ADAMTS3: variants seen among roughly 807,000 people sequenced by gnomAD.
The protein encoded by ADAMTS3 is A disintegrin and metalloproteinase with thrombospondin motifs 3.
A neutral mutation model predicts 129.0 loss-of-function variants in ADAMTS3; 73 were observed. That is an observed-to-expected ratio of 0.57 (90% CI 0.47 to 0.69). ADAMTS3 has a LOEUF of 0.69. Among genes scored for constraint, ADAMTS3 ranks in the 30% least tolerant of loss-of-function variants. The probability of loss-of-function intolerance (pLI) is 0.00; values close to 1 mark genes in which losing one functional copy is unlikely to be tolerated. For synonymous variants in ADAMTS3, 477 were observed against 510.8 expected, an observed-to-expected ratio of 0.93 and a Z score of 0.89; for missense variants, 1,457 against 1,514.5, an observed-to-expected ratio of 0.96 and a Z score of 0.63.
intron 4 of ADAMTS3, among the ~76,000 whole-genome samples, chr4:72,342,083 A>G (rs1459447880): frequency 6.6e-6 from 1 of 152,200 alleles, no homozygotes; most frequent in Non-Finnish European, 1.5e-5. Flanking sequence ...AGAGAAATTG[A>G]CATAGTTGAC....
In ADAMTS3 at chr4:72,319,934, G is replaced by T. The variant is rs567890273; in HGVS notation, c.1132C>A (p.Pro378Thr). Residue 378 changes from proline (P) to threonine (T), a missense_variant, in exon 8 of 22, where the codon CCA becomes ACA. By Grantham distance (38) the Pro-to-Thr change is conservative. Transcript: ENST00000286657. ...GYAPVTGMCH[P>T]VRSCTLNHED... ...TGATTCAGGGTACAACTTCTCACTGGATGACACATGCCGGTGACTGGAGCA... is the reference window on the plus strand; with the variant it reads ...TGATTCAGGGTACAACTTCTCACTGTATGACACATGCCGGTGACTGGAGCA... 1 of 1,613,756 alleles carries T rather than the reference G, an allele frequency of 6.2e-7. No homozygotes were observed.
chr4:72,290,412 G>C (rs564779885), intron 20 of ADAMTS3, among the ~76,000 whole-genome samples: 23 of 152,230 alleles, frequency 1.5e-4, no homozygotes, highest in African/African-American at 4.6e-4. Flanking sequence ...AGGAGGGGGA[G>C]TACAAGTCAG....
At chr4:72,379,670 T>C (rs1042495740) in intron 4 of ADAMTS3, among the ~76,000 whole-genome samples, 18 of 152,148 alleles carry the variant, frequency 1.2e-4, no homozygotes, top group African/African-American at 4.3e-4. Flanking sequence ...TTCTGGGACA[T>C]CTGTAGTATC....
intron 3 of ADAMTS3, among the ~76,000 whole-genome samples, chr4:72,503,237 G>A (rs756273751): frequency 2.6e-5 from 4 of 152,014 alleles, no homozygotes; most frequent in Non-Finnish European, 5.9e-5. Flanking sequence ...TGGCCAGGCT[G>A]GTCTTGAACT....
At chr4:72,538,778 A>C (rs186664326) in intron 3 of ADAMTS3, among the ~76,000 whole-genome samples, 1 of 152,330 alleles carries the variant, frequency 6.6e-6, no homozygotes, top group East Asian at 1.9e-4. Flanking sequence ...ACAAAGCTAC[A>C]GTAATCAAAA....
chr4:72,382,195 T>C (rs181562021), intron 4 of ADAMTS3, among the ~76,000 whole-genome samples: 2 of 152,280 alleles, frequency 1.3e-5, no homozygotes, highest in Admixed American at 6.5e-5. Flanking sequence ...TTTTATATTA[T>C]GGCACACATA....
rs1718333930 is a variant in ADAMTS3 at position 72,281,246 on chromosome 4, A to G, written c.*1890T>C. 1 of 152,590 alleles carries G rather than the reference A, an allele frequency of 6.6e-6. No individual in the cohort carries two copies. Among genetic ancestry groups the G allele is most frequent in the South Asian group, 2.1e-4 (1 of 4,834 alleles). 9.5% of individuals were successfully genotyped at this position (152,590 alleles called of 1,614,324 possible). A position where few individuals can be genotyped will look rare whatever the true frequency, so the allele number is the denominator to read the frequency against. ...AGACTTAAGGCTTAGGGATTGTTTT[A>G]CTATCTGGAATTTGCCTAATTTGAC... On this transcript the variant is annotated 3_prime_UTR_variant, in exon 22 of 22. Transcript: ENST00000286657.
At chr4:72,540,960 G>C (rs1721306921) in intron 3 of ADAMTS3, among the ~76,000 whole-genome samples, 1 of 152,224 alleles carries the variant, frequency 6.6e-6, no homozygotes, top group African/African-American at 2.4e-5. Flanking sequence ...CCCACACAGA[G>C]TCCCTACTGG....
intron 5 of ADAMTS3, among the ~76,000 whole-genome samples, chr4:72,332,344 C>T (rs1163006216): frequency 2.0e-5 from 3 of 152,148 alleles, no homozygotes; most frequent in East Asian, 1.9e-4. Flanking sequence ...GACCAGGGTA[C>T]GGCTGTGGAG....
chr4:72,336,779 T>A (rs564787127), intron 5 of ADAMTS3, among the ~76,000 whole-genome samples: 12 of 152,212 alleles, frequency 7.9e-5, no homozygotes, highest in Non-Finnish European at 1.5e-4. Context: ...TGTAGGGCTG[T>A]CTGTTGCGCT....
intron 4 of ADAMTS3, among the ~76,000 whole-genome samples, chr4:72,405,880 A>T (rs1722036871): frequency 6.6e-6 from 1 of 152,146 alleles, no homozygotes; most frequent in South Asian, 2.1e-4. Context: ...AATTTGGATT[A>T]AAGAGGCTAA....
chr4:72,453,678 G>C (rs1026552101), intron 3 of ADAMTS3, among the ~76,000 whole-genome samples: 1 of 151,596 alleles, frequency 6.6e-6, no homozygotes, highest in Non-Finnish European at 1.5e-5. Flanking sequence ...TATGGTCCCA[G>C]TATATAGAGG....
chr4:72,469,941 G>A (rs1001771556), intron 3 of ADAMTS3, among the ~76,000 whole-genome samples: 1 of 152,096 alleles, frequency 6.6e-6, no homozygotes, highest in African/African-American at 2.4e-5. Flanking sequence ...GAGGCTTCCA[G>A]GCAACAGTAA....
chr4:72,507,887 T>A (rs1231533896), intron 3 of ADAMTS3, among the ~76,000 whole-genome samples: 1 of 152,222 alleles, frequency 6.6e-6, no homozygotes, highest in African/African-American at 2.4e-5. Context: ...ATGTCCTTTT[T>A]TGACTTGCAT....
At chr4:72,412,031 A>G (rs922225953) in intron 4 of ADAMTS3, among the ~76,000 whole-genome samples, 4 of 152,120 alleles carry the variant, frequency 2.6e-5, no homozygotes, top group Admixed American at 6.6e-5. Flanking sequence ...CAAATCAAGA[A>G]ATGTAGCTAG....
intron 3 of ADAMTS3, among the ~76,000 whole-genome samples, chr4:72,512,030 A>G (rs1205576412): frequency 1.3e-5 from 2 of 152,202 alleles, no homozygotes; most frequent in Non-Finnish European, 2.9e-5. Context: ...CAAACATCAT[A>G]TGTTCTCACT....
rs141330446 is a variant in ADAMTS3, at chr4:72,283,558, C to T, written c.3196G>A (p.Ala1066Thr). The change falls in exon 22 of 22, where the codon GCT becomes ACT. Residue 1066 changes from alanine (A) to threonine (T), a missense_variant. By Grantham distance (58) the Ala-to-Thr change is moderately conservative. Transcript: ENST00000286657. ...GAGATGACATCATCATGAGTTTCAG[C>T]AGCTTCTAGAAGGTATGGTGGTGGC... ...TLPPPYLLEA[A>T]ETHDDVISNP... is the part of the protein sequence containing the mutation. 2.5e-6 allele frequency: 4 copies of T among 1,613,984 alleles called. No individual in the cohort carries two copies. In the African/African-American group the frequency reaches 5.3e-5, roughly 22 times the overall value.
At chr4:72,356,229 CAT>C (rs1720578357) in intron 4 of ADAMTS3, among the ~76,000 whole-genome samples, 1 of 151,518 alleles carries the variant, frequency 6.6e-6, no homozygotes, top group African/African-American at 2.4e-5. Context: ...AAAAGGAAAA[CAT>C]AACTAGCTGT....
chr4:72,289,366 T>C (rs929371480), intron 20 of ADAMTS3, among the ~76,000 whole-genome samples: 5 of 152,192 alleles, frequency 3.3e-5, no homozygotes, highest in Non-Finnish European at 5.9e-5. Flanking sequence ...ATAGCAGAAT[T>C]TACTGATAAG....
Sources: gnomAD v4.1 joint callset for allele counts (sites outside exome capture counted in the v4.1 genomes callset) on GRCh38, gnomAD v4.1.1 for gene constraint, MANE v1.5 for transcripts, NCBI Gene and HGNC (gene_info 2026-07-23, HGNC 2026-07-21) for gene names.